Variants in PRDM16 observed in about 807,000 individuals in gnomAD.
PRDM16 encodes the protein PR/SET domain 16.
In PRDM16, 23 loss-of-function variants were observed where a neutral mutation model predicts 110.6. The observed-to-expected ratio is 0.21, with a 90% CI of 0.15 to 0.29. PRDM16 has a LOEUF of 0.29. Ranked by LOEUF, PRDM16 falls within the 10% of genes least tolerant of loss-of-function variation. PRDM16 has a pLI of 1.00. For synonymous variants in PRDM16, 799 were observed against 781.8 expected, an observed-to-expected ratio of 1.02 and a Z score of -0.37; for missense variants, 1,615 against 1,794.3, an observed-to-expected ratio of 0.90 and a Z score of 1.81.
intron 4 of PRDM16, among the ~76,000 whole-genome samples, chr1:3,395,560 G>A (rs72633316): frequency 0.28 from 42,503 of 152,018 alleles, 6,555 homozygotes; most frequent in East Asian, 0.61. Flanking sequence ...TGCAGGGTGG[G>A]CAGTGACTCC....
chr1:3,111,163 C>T (rs1302860014), intron 1 of PRDM16, among the ~76,000 whole-genome samples: 2 of 152,160 alleles, frequency 1.3e-5, no homozygotes, highest in Non-Finnish European at 2.9e-5. Flanking sequence ...CCACACCTGG[C>T]CTTGGGCCCT....
At chr1:3,331,132 G>A (rs534464755) in intron 3 of PRDM16, among the ~76,000 whole-genome samples, 39 of 152,350 alleles carry the variant, frequency 2.6e-4, no homozygotes, top group African/African-American at 8.7e-4. Context: ...CCTGCCCTTC[G>A]GCCTGGGAGG....
rs1030959292 is a variant in PRDM16, at chr1:3,360,442, A to G, written c.439-24710A>G. Among the ~76,000 whole-genome samples the G allele has an allele frequency of 6.6e-5, 10 of 152,150 alleles. 1 individual carries two copies. Among genetic ancestry groups the G allele is most frequent in the Non-Finnish European group, 7.4e-5 (5 of 68,014 alleles). ...TTTGGTTCACCTCTGTCACCGGCTG[A>G]CACCACCGACACGTTGTCCTTAGGC... On this transcript the variant is annotated intron_variant, in intron 3 of 16. Coordinates refer to ENST00000270722, the MANE Select transcript of PRDM16 (RefSeq NM_022114.4).
chr1:3,157,631 G>A lies in PRDM16; in HGVS notation c.38-28494G>A, dbSNP rs540504644. 2.6e-5 allele frequency among the ~76,000 whole-genome samples: 4 copies of A among 152,266 alleles called. No homozygotes were observed. The highest frequency in any genetic ancestry group is 2.6e-4 in the Admixed American group (4 of 15,296). On this transcript the variant is annotated intron_variant, in intron 1 of 16. Transcript: ENST00000270722. The surrounding 1 kb of genome is among the most constrained non-coding windows in gnomAD (Gnocchi z 4.8). ...AGTGGACCTGTCGGCTCTGTTCATGGACAGTATGGTGGGGCCTGAACAGAC... is the reference window on the plus strand; with the variant it reads ...AGTGGACCTGTCGGCTCTGTTCATGAACAGTATGGTGGGGCCTGAACAGAC...
At chr1:3,413,225 C>T (rs1426082121) in intron 9 of PRDM16, among the ~76,000 whole-genome samples, 1 of 150,066 alleles carries the variant, frequency 6.7e-6, no homozygotes, top group African/African-American at 2.4e-5. Context: ...TCAGAGGGGC[C>T]TGGGCTGAGT....
intron 1 of PRDM16, among the ~76,000 whole-genome samples, chr1:3,073,217 TC>T (rs1290905608): frequency 2.0e-5 from 3 of 151,814 alleles, no homozygotes; most frequent in Non-Finnish European, 1.5e-5. Flanking sequence ...AGCCAGGGGC[TC>T]CCCCCACCGG....
In PRDM16 at chr1:3,436,050, C is replaced by G; in HGVS notation, c.*2239C>G. ...TTCTCACGCGTTTCCACAACATCCC[C>G]TGGGTCAGACCCACCAGGTACCCCG... On this transcript the variant is annotated 3_prime_UTR_variant, in exon 17 of 17. Coordinates refer to ENST00000270722, the MANE Select transcript of PRDM16 (RefSeq NM_022114.4). 1 of 230,908 alleles carries G rather than the reference C, an allele frequency of 4.3e-6. No homozygotes were observed. The highest frequency in any genetic ancestry group is 8.6e-6 in the Non-Finnish European group (1 of 116,606). 14.3% of individuals were successfully genotyped at this position (230,908 alleles called of 1,614,324 possible).
chr1:3,412,057 G>C lies in PRDM16; in HGVS notation c.1860G>C (p.Gly620=), dbSNP rs868130203. 6.2e-7 allele frequency: 1 copy of C among 1,609,258 alleles called. No individual in the cohort carries two copies. The highest frequency in any genetic ancestry group is 2.2e-5 in the East Asian group (1 of 44,788). The change falls in exon 9 of 17, where the codon GGG becomes GGC. Residue 620 remains glycine (G), a synonymous_variant. Transcript: ENST00000270722. ...GGACCGACCTGGACACGACCACGGG[G>C]ACGGGCTCGGACCTGGACAGCGACG... The part of the protein sequence containing the change: ...TTGTDLDTTT[G]TGSDLDSDVD...
At chr1:3,113,150 G>A (rs1642833569) in intron 1 of PRDM16, among the ~76,000 whole-genome samples, 1 of 152,172 alleles carries the variant, frequency 6.6e-6, no homozygotes, top group Non-Finnish European at 1.5e-5. Context: ...GATATTACTG[G>A]GCCACAGGGA....
intron 1 of PRDM16, among the ~76,000 whole-genome samples, chr1:3,102,246 C>T (rs1174562105): frequency 1.3e-5 from 2 of 152,174 alleles, no homozygotes; most frequent in Admixed American, 6.5e-5. Context: ...CCCAGCGGGG[C>T]TGGGAGGGGA....
At chr1:3,085,154 G>A (rs1014448349) in intron 1 of PRDM16, among the ~76,000 whole-genome samples, 2 of 152,192 alleles carry the variant, frequency 1.3e-5, no homozygotes, top group African/African-American at 2.4e-5. Flanking sequence ...TAGAACGTTC[G>A]TGCAGGTGGA....
intron 3 of PRDM16, among the ~76,000 whole-genome samples, chr1:3,349,907 G>T (rs868718196): frequency 6.6e-6 from 1 of 152,192 alleles, no homozygotes; most frequent in African/African-American, 2.4e-5. Flanking sequence ...GCCCTCTGCC[G>T]TGAATGTTTA....
At chr1:3,276,555 G>A (rs187921865) in intron 3 of PRDM16, among the ~76,000 whole-genome samples, 234 of 152,266 alleles carry the variant, frequency 1.5e-3, no homozygotes, top group African/African-American at 4.9e-3. Flanking sequence ...TAACTCCGCC[G>A]GTGTCTGACC....
At chr1:3,263,267 C>T (rs988792103) in intron 3 of PRDM16, among the ~76,000 whole-genome samples, 19 of 152,302 alleles carry the variant, frequency 1.2e-4, no homozygotes, top group African/African-American at 4.3e-4. Flanking sequence ...GTGTCTAAGG[C>T]TCTCCCCGCC....
At chr1:3,283,624 G>A (rs1451297054) in intron 3 of PRDM16, among the ~76,000 whole-genome samples, 1 of 152,140 alleles carries the variant, frequency 6.6e-6, no homozygotes, top group African/African-American at 2.4e-5. Context: ...TCAGCAAAGG[G>A]TTACGGGGAC....
chr1:3,435,340 A>G lies in PRDM16; in HGVS notation c.*1529A>G, dbSNP rs1051952207. On this transcript the variant is annotated 3_prime_UTR_variant, in exon 17 of 17. Transcript: ENST00000270722. The stretch of plus-strand genomic sequence containing the variant: ...TAATGTTAATATAAGTATCTGGTGA[A>G]GGACCAAAACCGTGTGATAAGGTTG... The G allele has an allele frequency of 1.3e-5, 3 of 229,876 alleles. No homozygotes were observed. The highest frequency in any genetic ancestry group is 6.7e-5 in the African/African-American group (3 of 45,108). The allele number at this position is 229,876 out of a possible 1,614,324, so 14.2% of individuals were successfully genotyped here.
intron 1 of PRDM16, among the ~76,000 whole-genome samples, chr1:3,136,161 T>C (rs867406066): frequency 4.6e-5 from 7 of 152,086 alleles, no homozygotes; most frequent in Middle Eastern, 3.2e-3. Flanking sequence ...CCACCAGCTT[T>C]GGGCCTTCGT....
chr1:3,231,449 T>C, intron 2 of PRDM16, among the ~76,000 whole-genome samples: 1 of 90,330 alleles, frequency 1.1e-5, no homozygotes, highest in African/African-American at 1.0e-4. Context: ...GCCGTCCCCC[T>C]GGGGCATCTG....
At chr1:3,107,889 G>T (rs1268059443) in intron 1 of PRDM16, among the ~76,000 whole-genome samples, 1 of 152,254 alleles carries the variant, frequency 6.6e-6, no homozygotes, top group Non-Finnish European at 1.5e-5. Flanking sequence ...CTAGCCTGGG[G>T]CTGGGCTTTC....
Sources: gnomAD v4.1 joint callset for allele counts (sites outside exome capture counted in the v4.1 genomes callset) on GRCh38, gnomAD v4.1.1 for gene constraint, Gnocchi (gnomAD v3.1) non-coding constraint, MANE v1.5 for transcripts, NCBI Gene and HGNC (gene_info 2026-07-23, HGNC 2026-07-21) for gene names.